CLIP1: variants seen among roughly 807,000 people sequenced by gnomAD.
CLIP1 encodes the protein CAP-Gly domain containing linker protein 1, also known as CAP-Gly domain-containing linker protein 1.
In CLIP1, 66 loss-of-function variants were observed where a neutral mutation model predicts 161.6. The ratio of observed to expected loss-of-function variants is 0.41; its 90% CI spans 0.33 to 0.50. The LOEUF is 0.50. Among genes scored for constraint, CLIP1 ranks in the 20% least tolerant of loss-of-function variants. CLIP1 has a pLI of 0.27. For synonymous variants in CLIP1, 598 were observed against 626.2 expected (o/e 0.96, Z 0.67); for missense variants, 1,376 against 1,702.0 (o/e 0.81, Z 3.37).
At chr12:122,302,020 T>G (rs554599336) in intron 20 of CLIP1, among the ~76,000 whole-genome samples, 2 of 152,320 alleles carry the variant, frequency 1.3e-5, no homozygotes, top group Non-Finnish European at 2.9e-5. Flanking sequence ...TTGCATTGAA[T>G]GTATCTGCAG....
intron 1 of CLIP1, chr12:122,400,039 G>A (rs1001630493): frequency 2.0e-5 from 3 of 152,160 alleles, no homozygotes; most frequent in South Asian, 2.1e-4. Flanking sequence ...TCACGGTTAC[G>A]TAAGTATGCT....
intron 20 of CLIP1, among the ~76,000 whole-genome samples, chr12:122,295,279 A>T (rs915140407): frequency 4.0e-5 from 6 of 151,662 alleles, no homozygotes; most frequent in Non-Finnish European, 7.4e-5. Context: ...CTGAGGCAGG[A>T]GAATCGCTTG....
intron 1 of CLIP1, among the ~76,000 whole-genome samples, chr12:122,385,107 A>G (rs1955194729): frequency 6.6e-6 from 1 of 151,758 alleles, no homozygotes; most frequent in Non-Finnish European, 1.5e-5. Flanking sequence ...TAAATTTTGT[A>G]TTTTTAGTAG....
At chr12:122,364,257 G>T in intron 3 of CLIP1, 150 bp from the exon 4 acceptor site, 1 of 940,966 alleles carries the variant, frequency 1.1e-6, no homozygotes, top group Non-Finnish European at 1.6e-6. Context: ...GAGTTCTCTT[G>T]AAGGAAGTCT....
chr12:122,273,862 G>A (rs1234454848), intron 25 of CLIP1, among the ~76,000 whole-genome samples, 176 bp downstream of exon 25: 3 of 152,040 alleles, frequency 2.0e-5, no homozygotes, highest in African/African-American at 7.2e-5. Context: ...CTCCCAAGTA[G>A]CTGGGATTAC....
chr12:122,352,729 A>G lies in CLIP1; in HGVS notation c.1365T>C (p.Leu455=), dbSNP rs751565089. ...VEEESITKGD[L]EQKSQISEDP... ...AAGAGAGCTGGAGGGGTTTTACCTC[A>G]AGATCACCTTTGGTAATTGATTCTT... is the stretch of plus-strand genomic sequence containing the variant. Residue 455 remains leucine, a synonymous_variant, in exon 8 of 26, where the codon CTT becomes CTC. Transcript: ENST00000620786. 1 of 1,613,670 alleles carries G rather than the reference A, an allele frequency of 6.2e-7. No homozygotes were observed. Among genetic ancestry groups the G allele is most frequent in the Non-Finnish European group, 8.5e-7 (1 of 1,179,594 alleles).
intron 3 of CLIP1, chr12:122,364,710 T>C: frequency 1.9e-6 from 1 of 529,052 alleles, no homozygotes; most frequent in Non-Finnish European, 3.7e-6. Flanking sequence ...TGGACCTCAC[T>C]TTATTTTTCT....
intron 3 of CLIP1, among the ~76,000 whole-genome samples, chr12:122,366,710 A>G (rs148539400): frequency 6.6e-6 from 1 of 152,232 alleles, no homozygotes; most frequent in East Asian, 1.9e-4. Context: ...ATGCAGTGGC[A>G]CATGCCTATA....
At chr12:122,306,268 C>G (rs563348265) in intron 20 of CLIP1, among the ~76,000 whole-genome samples, 2 of 152,024 alleles carry the variant, frequency 1.3e-5, no homozygotes, top group African/African-American at 2.4e-5. Context: ...CCTTAATAAA[C>G]TCCCCTTGAT....
At chr12:122,363,291 G>T (rs1953961537) in intron 4 of CLIP1, among the ~76,000 whole-genome samples, 1 of 152,130 alleles carries the variant, frequency 6.6e-6, no homozygotes, top group African/African-American at 2.4e-5. Flanking sequence ...CTTGTGCCCA[G>T]GAGTTTGAGA....
In CLIP1 at chr12:122,341,466, G is replaced by A. The variant is rs767835144; in HGVS notation, c.1738C>T (p.Arg580Trp). The change falls in exon 11 of 26, where the codon CGG (arginine) becomes TGG (tryptophan). Residue 580 changes from arginine (R) to tryptophan (W), a missense_variant. Arg to Trp is a moderately radical substitution (Grantham distance 101). Transcript: ENST00000620786. ...ITSLKEHFGA[R>W]EETHQKEIKA... is the part of the protein sequence containing the mutation. ...ATCTCCTTCTGATGAGTTTCTTCCCGGGCTCCAAAATGCTCCTTCAGAGAA... is the reference window on the plus strand; with the variant it reads ...ATCTCCTTCTGATGAGTTTCTTCCCAGGCTCCAAAATGCTCCTTCAGAGAA... 15 of 1,613,112 alleles carry A rather than the reference G, an allele frequency of 9.3e-6. No individual in the cohort carries two copies. The highest frequency in any genetic ancestry group is 1.7e-4 in the Middle Eastern group (1 of 6,060).
At chr12:122,414,911 A>G (rs1224620340) in intron 1 of CLIP1, among the ~76,000 whole-genome samples, 1 of 152,096 alleles carries the variant, frequency 6.6e-6, no homozygotes, top group Non-Finnish European at 1.5e-5. Context: ...AAAAAAAATT[A>G]GCTGGGCATG....
chr12:122,358,002 GA>G (rs1953567277), intron 5 of CLIP1, among the ~76,000 whole-genome samples: 1 of 152,174 alleles, frequency 6.6e-6, no homozygotes, highest in Non-Finnish European at 1.5e-5. Context: ...AGAAAGGGGG[GA>G]AAGGTGGGGA....
At chr12:122,398,301 C>T (rs1248363361) in intron 1 of CLIP1, among the ~76,000 whole-genome samples, 2 of 150,002 alleles carry the variant, frequency 1.3e-5, no homozygotes, top group Admixed American at 1.3e-4. Flanking sequence ...TGGTGGCAGG[C>T]GCCTGTAATA....
At position 122,390,277 on chromosome 12, in the gene CLIP1, TAC is replaced by T. The variant is rs1244476081; in HGVS notation, c.-106-9721_-106-9720del. On this transcript the variant is annotated intron_variant, in intron 1 of 25. Transcript: ENST00000620786. ...ACATATATACACACACATATATATA[TAC>T]ATATATATATATATATATATATATG... is the stretch of plus-strand genomic sequence containing the variant. 5.1e-4 allele frequency among the ~76,000 whole-genome samples: 24 copies of T among 46,642 alleles called. No homozygotes were observed. The East Asian group carries it at 0.01, about 20-fold the overall frequency. 30.6% of individuals were successfully genotyped at this position (46,642 alleles called of 152,430 possible).
intron 7 of CLIP1, 76 bp downstream of exon 7, chr12:122,354,377 A>C: frequency 9.1e-7 from 1 of 1,097,772 alleles, no homozygotes; most frequent in Non-Finnish European, 1.4e-6. Flanking sequence ...CCTGGGCAAC[A>C]GAGCTAGACT....
At chr12:122,348,733 A>G (rs1339111461) in intron 9 of CLIP1, among the ~76,000 whole-genome samples, 1 of 152,176 alleles carries the variant, frequency 6.6e-6, no homozygotes, top group Non-Finnish European at 1.5e-5. Context: ...ACTGTCAGTT[A>G]CGTGCAGTAA....
intron 11 of CLIP1, among the ~76,000 whole-genome samples, chr12:122,340,529 A>T (rs899404143): frequency 9.2e-5 from 14 of 152,214 alleles, no homozygotes; most frequent in Non-Finnish European, 1.6e-4. Context: ...GATAACAGGC[A>T]ACCAAAATAA....
At chr12:122,327,788 G>C (rs912925259) in intron 17 of CLIP1, among the ~76,000 whole-genome samples, 159 bp downstream of exon 17, 1 of 152,086 alleles carries the variant, frequency 6.6e-6, no homozygotes, top group East Asian at 1.9e-4. Context: ...TGAAGCCATA[G>C]GAAATGTAAT....
Sources: gnomAD v4.1 joint callset for allele counts (sites outside exome capture counted in the v4.1 genomes callset) on GRCh38, gnomAD v4.1.1 for gene constraint, MANE v1.5 for transcripts, NCBI Gene and HGNC (gene_info 2026-07-23, HGNC 2026-07-21) for gene names.